ASPRV1: variants seen among roughly 807,000 people sequenced by gnomAD.
The protein encoded by ASPRV1 is aspartic peptidase retroviral like 1.
In ASPRV1, 7 loss-of-function variants were observed where a neutral mutation model predicts 11.0. That is an observed-to-expected ratio of 0.64 (90% CI 0.36 to 1.20). ASPRV1 has a LOEUF of 1.20. ASPRV1 is among the 50% of genes most tolerant of loss of function. The pLI is 0.02. For synonymous variants in ASPRV1, 136 were observed against 138.4 expected, an observed-to-expected ratio of 0.98 and a Z score of 0.12; for missense variants, 299 against 320.0, an observed-to-expected ratio of 0.93 and a Z score of 0.50.
the ASPRV1 span, among the ~76,000 whole-genome samples, chr2:69,935,678 A>C: frequency 6.6e-6 from 1 of 152,154 alleles, no homozygotes; most frequent in African/African-American, 2.4e-5. Flanking sequence ...CTCTCCATCC[A>C]GTTGTACAAG....
chr2:69,955,000 A>C, the ASPRV1 span, among the ~76,000 whole-genome samples: 1 of 152,244 alleles, frequency 6.6e-6, no homozygotes, highest in South Asian at 2.1e-4. Flanking sequence ...GACCCACAAT[A>C]TCAAGCAGTC....
At chr2:69,952,568 A>G in the ASPRV1 span, among the ~76,000 whole-genome samples, 5 of 151,270 alleles carry the variant, frequency 3.3e-5, no homozygotes, top group African/African-American at 9.8e-5. Flanking sequence ...AAAAGAAAAG[A>G]AAAAAGAAAA....
At chr2:70,034,582 A>G in the ASPRV1 span, among the ~76,000 whole-genome samples, 1 of 152,186 alleles carries the variant, frequency 6.6e-6, no homozygotes. Flanking sequence ...AAAAAAAAAA[A>G]AAAGAAAGAA....
the ASPRV1 span, among the ~76,000 whole-genome samples, chr2:70,024,750 C>T: frequency 6.6e-6 from 1 of 152,238 alleles, no homozygotes; most frequent in African/African-American, 2.4e-5. Flanking sequence ...CCCCACATTT[C>T]GCCCCCTCCC....
the ASPRV1 span, among the ~76,000 whole-genome samples, chr2:70,058,462 G>A: frequency 3.3e-5 from 5 of 151,476 alleles, no homozygotes; most frequent in Non-Finnish European, 5.9e-5. Context: ...AGGCTGGCCT[G>A]GAACTCCTGG....
chr2:69,963,347 C>G (rs970671820), upstream of ASPRV1: 3 of 456,534 alleles, frequency 6.6e-6, no homozygotes, highest in African/African-American at 6.0e-5. Context: ...AGAGAAATGG[C>G]CCAGCCACAC....
chr2:69,993,307 C>T, the ASPRV1 span: 2 of 152,386 alleles, frequency 1.3e-5, no homozygotes, highest in African/African-American at 4.8e-5. Flanking sequence ...GGCCATCCCA[C>T]CAGGCCTGCC....
chr2:70,067,144 A>G, the ASPRV1 span, among the ~76,000 whole-genome samples: 6 of 152,168 alleles, frequency 3.9e-5, no homozygotes, highest in African/African-American at 1.4e-4. Flanking sequence ...GGGCAGTAGC[A>G]ATGGAGAGGG....
chr2:69,985,355 C>A, the ASPRV1 span, among the ~76,000 whole-genome samples: 6 of 152,326 alleles, frequency 3.9e-5, no homozygotes, highest in African/African-American at 1.4e-4. Flanking sequence ...CATGCGAAGT[C>A]CTTCCCTTGT....
the ASPRV1 span, among the ~76,000 whole-genome samples, chr2:69,977,985 T>C: frequency 6.6e-6 from 1 of 152,040 alleles, no homozygotes; most frequent in African/African-American, 2.4e-5. Flanking sequence ...CAAGTGTGGG[T>C]ATGGATCCCC....
the ASPRV1 span, among the ~76,000 whole-genome samples, chr2:70,036,731 G>A: frequency 6.6e-6 from 1 of 152,120 alleles, no homozygotes; most frequent in African/African-American, 2.4e-5. Context: ...GCAGTGGCAC[G>A]ATCATGGCTC....
chr2:70,081,094 C>T, the ASPRV1 span: 4 of 152,248 alleles, frequency 2.6e-5, no homozygotes, highest in African/African-American at 9.7e-5. Flanking sequence ...ACATTTCTTA[C>T]ATTTCTCAGA....
the ASPRV1 span, among the ~76,000 whole-genome samples, chr2:69,948,601 C>A: frequency 2.0e-5 from 3 of 152,130 alleles, no homozygotes; most frequent in Non-Finnish European, 4.4e-5. Context: ...CTTGCAGCCA[C>A]GGAGGGCGGT....
the ASPRV1 span, among the ~76,000 whole-genome samples, chr2:69,967,285 C>A: frequency 6.6e-6 from 1 of 152,190 alleles, no homozygotes; most frequent in Non-Finnish European, 1.5e-5. Flanking sequence ...AGGTGCGGGG[C>A]ACACTGGAGT....
chr2:69,933,200 C>CAAAAAAAA, the ASPRV1 span, among the ~76,000 whole-genome samples: 5 of 80,148 alleles, frequency 6.2e-5, no homozygotes, highest in East Asian at 3.6e-4. Flanking sequence ...AACTCTGTCT[C>CAAAAAAAA]AAAAAAAAAA....
At chr2:69,938,950 G>C in the ASPRV1 span, 2 of 152,724 alleles carry the variant, frequency 1.3e-5, no homozygotes, top group South Asian at 4.1e-4. Context: ...GTTCCAAATT[G>C]TTTGTTCTCA....
At chr2:70,000,528 G>T in the ASPRV1 span, 16 of 151,610 alleles carry the variant, frequency 1.1e-4, no homozygotes, top group Non-Finnish European at 1.6e-4. Flanking sequence ...GGTGGCTCAC[G>T]CCTGTAATCC....
chr2:70,012,233 C>G, the ASPRV1 span: 1 of 151,492 alleles, frequency 6.6e-6, no homozygotes, highest in African/African-American at 2.4e-5. Flanking sequence ...CGGCTCACTG[C>G]AAGCTCCGCC....
the ASPRV1 span, among the ~76,000 whole-genome samples, chr2:69,933,823 A>G: frequency 6.6e-6 from 1 of 152,178 alleles, no homozygotes; most frequent in East Asian, 1.9e-4. Context: ...TTACAGTACA[A>G]TTCTTAAGAG....
Sources: allele counts gnomAD v4.1 joint callset (sites outside exome capture counted in the v4.1 genomes callset), GRCh38; gene constraint gnomAD v4.1.1; transcripts MANE v1.5; gene names NCBI Gene and HGNC (gene_info 2026-07-23, HGNC 2026-07-21).